USP6NL: variants seen among roughly 807,000 people sequenced by gnomAD.
USP6NL encodes the protein USP6 N-terminal-like protein.
USP6NL carries 26 observed loss-of-function variants against 61.9 expected under a neutral mutation model. That is an observed-to-expected ratio of 0.42 (90% CI 0.31 to 0.58). The LOEUF (loss-of-function observed/expected upper bound fraction) is 0.58, where lower values mean the gene tolerates loss of function less well. Among genes scored for constraint, USP6NL ranks in the 20% least tolerant of loss-of-function variants. The pLI is 0.16. For synonymous variants in USP6NL, 432 were observed against 390.1 expected, an observed-to-expected ratio of 1.11 and a Z score of -1.27; for missense variants, 1,114 against 1,034.3, an observed-to-expected ratio of 1.08 and a Z score of -1.06.
At position 11,462,692 on chromosome 10, in the gene USP6NL, C is replaced by G; in HGVS notation, c.2236G>C (p.Glu746Gln). Residue 746 changes from glutamate to glutamine, a missense_variant, in exon 15 of 15, where the codon GAG (glutamate) becomes CAG (glutamine). Glu to Gln is a conservative substitution (Grantham distance 29, BLOSUM62 2). Transcript: ENST00000609104. ...CGGGTCCATGATTGTCCCTGCGTCT[C>G]AGGTCTGTATGTATAACTAACTTCT... ...WSEVSYTYRPETQGQSWTRDA... is the reference protein window; with the variant it reads ...WSEVSYTYRPQTQGQSWTRDA... The G allele has an allele frequency of 6.2e-7, 1 of 1,613,992 alleles. No homozygotes were observed. Among genetic ancestry groups the G allele is most frequent in the Non-Finnish European group, 8.5e-7 (1 of 1,179,890 alleles).
At chr10:11,535,264 A>G (rs1397675341) in intron 2 of USP6NL, among the ~76,000 whole-genome samples, 1 of 152,222 alleles carries the variant, frequency 6.6e-6, no homozygotes, top group Non-Finnish European at 1.5e-5. Flanking sequence ...CACTGAGTGC[A>G]GTTTCTCCAG....
intron 1 of USP6NL, among the ~76,000 whole-genome samples, chr10:11,606,727 A>C (rs1210051717): frequency 2.0e-5 from 3 of 152,322 alleles, no homozygotes; most frequent in South Asian, 2.1e-4. Context: ...TTAAGAAATC[A>C]ATTCAAAATA....
At position 11,478,651 on chromosome 10, in the gene USP6NL, T is replaced by C. The variant is rs111479962; in HGVS notation, c.1078+3119A>G. Among the ~76,000 whole-genome samples the C allele has an allele frequency of 0.022, 3,353 of 152,284 alleles. 47 individuals are homozygous for C. The highest frequency in any genetic ancestry group is 0.066 in the South Asian group (317 of 4,822). On this transcript the variant is annotated intron_variant, in intron 14 of 14. Coordinates refer to ENST00000609104, the MANE Select transcript of USP6NL (RefSeq NM_014688.5). This position sits in a 1 kb window ranked among gnomAD's most constrained non-coding sequence, Gnocchi z 6.8. Reference sequence around the variant, plus strand: ...AACTGGAGGCCGGATACTCCTGTTATCCTAGCACTTTGGGAGGCTGAGGTG... The same window carrying C: ...AACTGGAGGCCGGATACTCCTGTTACCCTAGCACTTTGGGAGGCTGAGGTG...
rs1349978088 is a variant in USP6NL, at chr10:11,575,574, AATC to A, written c.4+22054_4+22056del. ...TCTAAATTCATGTCTCATAAATTTC[AATC>A]ATCATCTTCCTTATCTCACTGGTAT... is the stretch of plus-strand genomic sequence containing the variant. On this transcript the variant is annotated intron_variant, in intron 2 of 14. Coordinates refer to ENST00000609104, the MANE Select transcript of USP6NL (RefSeq NM_014688.5). This position sits in a 1 kb window ranked among gnomAD's most constrained non-coding sequence, Gnocchi z 4.2. Among the ~76,000 whole-genome samples the A allele has an allele frequency of 6.6e-6, 1 of 152,244 alleles. No homozygotes were observed. Among genetic ancestry groups the A allele is most frequent in the Non-Finnish European group, 1.5e-5 (1 of 68,026 alleles).
intron 2 of USP6NL, among the ~76,000 whole-genome samples, chr10:11,559,740 G>A (rs1299811644): frequency 6.6e-6 from 1 of 152,106 alleles, no homozygotes; most frequent in Admixed American, 6.5e-5. Context: ...GAGATAGATG[G>A]CTGCTTTCAA....
In USP6NL at chr10:11,548,944, T is replaced by G. The variant is rs985423740; in HGVS notation, c.5-21377A>C. On this transcript the variant is annotated intron_variant, in intron 2 of 14. Coordinates refer to ENST00000609104, the MANE Select transcript of USP6NL (RefSeq NM_014688.5). This position sits in a 1 kb window ranked among gnomAD's most constrained non-coding sequence, Gnocchi z 4.3. ...GACCATTATTTCCTTTTAAACCCAT[T>G]CATAAACCATGATTTAATAAAACTA... 4.6e-5 allele frequency among the ~76,000 whole-genome samples: 7 copies of G among 152,184 alleles called. No homozygotes were observed. Among genetic ancestry groups the G allele is most frequent in the Admixed American group, 1.3e-4 (2 of 15,270 alleles).
rs766816755 is a variant in USP6NL, at chr10:11,525,358, A to T, written c.155+28T>A. The T allele has an allele frequency of 6.4e-7, 1 of 1,556,154 alleles. No homozygotes were observed. The highest frequency in any genetic ancestry group is 2.1e-5 in the Admixed American group (1 of 48,050). On this transcript the variant is annotated intron_variant, in intron 4 of 14. Coordinates refer to ENST00000609104, the MANE Select transcript of USP6NL (RefSeq NM_014688.5). This position sits in a 1 kb window ranked among gnomAD's most constrained non-coding sequence, Gnocchi z 5.0. ...GACCACAGAAACGTTATAATCTAAA[A>T]AGCAAGCTTTCAATCTATGTGACTT...
rs543624265 is a variant in USP6NL, at chr10:11,602,193, C to T, written c.-83-4476G>A. Among the ~76,000 whole-genome samples, 3 of 152,086 alleles carry T rather than the reference C, an allele frequency of 2.0e-5. No homozygotes were observed. Among genetic ancestry groups the T allele is most frequent in the South Asian group, 4.2e-4 (2 of 4,816 alleles). ...TCAATGACAATGAATGAATAAACAA[C>T]GAGCAACGTATTTAACGCAACTTTC... On this transcript the variant is annotated intron_variant, in intron 1 of 14. Coordinates refer to ENST00000609104, the MANE Select transcript of USP6NL (RefSeq NM_014688.5). The surrounding 1 kb of genome is among the most constrained non-coding windows in gnomAD (Gnocchi z 4.8).
In USP6NL at chr10:11,556,539, A is replaced by C. The variant is rs73569190; in HGVS notation, c.5-28972T>G. Among the ~76,000 whole-genome samples the C allele has an allele frequency of 1.9e-3, 297 of 152,350 alleles. 5 individuals carry two copies. The highest frequency in any genetic ancestry group is 6.9e-3 in the African/African-American group (286 of 41,584). On this transcript the variant is annotated intron_variant, in intron 2 of 14. Coordinates refer to ENST00000609104, the MANE Select transcript of USP6NL (RefSeq NM_014688.5). ...TATTTAGAAAAGAGAGATCATAAAC[A>C]AACAAGCACTCAGCAAATACGAAAG... is the stretch of plus-strand genomic sequence containing the variant.
intron 7 of USP6NL, among the ~76,000 whole-genome samples, chr10:11,500,304 C>T (rs763392493): frequency 6.6e-6 from 1 of 151,826 alleles, no homozygotes. Flanking sequence ...CAAATCTGCA[C>T]GTCCTGCACA....
At chr10:11,524,820 C>G (rs1013323804) in intron 4 of USP6NL, among the ~76,000 whole-genome samples, 1 of 152,112 alleles carries the variant, frequency 6.6e-6, no homozygotes, top group African/African-American at 2.4e-5. Context: ...AGAACCAGAA[C>G]AGACAGATTC....
Position 11,510,797 on chromosome 10 carries a change from G to C in USP6NL, c.196-1122C>G, listed in dbSNP as rs1239295853. Among the ~76,000 whole-genome samples the C allele has an allele frequency of 6.6e-6, 1 of 152,232 alleles. No individual in the cohort carries two copies. The highest frequency in any genetic ancestry group is 1.5e-5 in the Non-Finnish European group (1 of 68,026). On this transcript the variant is annotated intron_variant, in intron 5 of 14. Transcript: ENST00000609104. This position sits in a 1 kb window ranked among gnomAD's most constrained non-coding sequence, Gnocchi z 4.8. ...TTACAATGAGGAAACAGGCACAAAG[G>C]GCTTAAGGGACTTGTCCCAAGTCAC...
chr10:11,562,033 C>A lies in USP6NL; in HGVS notation c.5-34466G>T, dbSNP rs1482254168. Among the ~76,000 whole-genome samples the A allele has an allele frequency of 6.6e-6, 1 of 152,192 alleles. No homozygotes were observed. The highest frequency in any genetic ancestry group is 1.5e-5 in the Non-Finnish European group (1 of 68,020). On this transcript the variant is annotated intron_variant, in intron 2 of 14. Coordinates refer to ENST00000609104, the MANE Select transcript of USP6NL (RefSeq NM_014688.5). This position sits in a 1 kb window ranked among gnomAD's most constrained non-coding sequence, Gnocchi z 4.8. ...AATTTGCTCATGCCTGTAATCCCAG[C>A]ACTTTGTGAGGCCAAGGCAGGCAGA...
rs1451147239 is a variant in USP6NL at position 11,589,174 on chromosome 10, A to C, written c.4+8457T>G. On this transcript the variant is annotated intron_variant, in intron 2 of 14. Transcript: ENST00000609104. The surrounding 1 kb of genome is among the most constrained non-coding windows in gnomAD (Gnocchi z 4.7). Reference sequence around the variant, plus strand: ...TAGCTTCTAGGTCACATCTGTCAGCAGAAACGTTTTTTATAATAAAGCATG... The same window carrying C: ...TAGCTTCTAGGTCACATCTGTCAGCCGAAACGTTTTTTATAATAAAGCATG... Among the ~76,000 whole-genome samples the C allele has an allele frequency of 6.6e-6, 1 of 152,222 alleles. No homozygotes were observed. The highest frequency in any genetic ancestry group is 1.5e-5 in the Non-Finnish European group (1 of 68,032).
Position 11,562,529 on chromosome 10 carries a change from T to C in USP6NL, c.5-34962A>G. 1.0e-6 allele frequency: 1 copy of C among 985,448 alleles called. No individual in the cohort carries two copies. The highest frequency in any genetic ancestry group is 1.1e-4 in the East Asian group (1 of 8,816). The allele number at this position is 985,448 out of a possible 1,614,324, so 61.0% of individuals were successfully genotyped here. A position where few individuals can be genotyped will look rare whatever the true frequency, so the allele number is the denominator to read the frequency against. ...AGAGCCGGGTCACTCAAGACATTGC[T>C]TGGCCACTGTGACTACTCTGAGTCT... On this transcript the variant is annotated intron_variant, in intron 2 of 14. Coordinates refer to ENST00000609104, the MANE Select transcript of USP6NL (RefSeq NM_014688.5). The surrounding 1 kb of genome is among the most constrained non-coding windows in gnomAD (Gnocchi z 4.8).
intron 2 of USP6NL, among the ~76,000 whole-genome samples, chr10:11,559,925 G>C (rs1836858685): frequency 6.6e-6 from 1 of 152,060 alleles, no homozygotes; most frequent in Admixed American, 6.5e-5. Flanking sequence ...AGTTAGGTTT[G>C]AGTCTATACA....
At chr10:11,584,450 A>G (rs77559417) in intron 2 of USP6NL, among the ~76,000 whole-genome samples, 1,813 of 152,300 alleles carry the variant, frequency 0.012, 37 homozygotes, top group African/African-American at 0.039. Flanking sequence ...ACCATAACAC[A>G]TTAATTACAA....
Position 11,597,655 on chromosome 10 carries a change from G to C in USP6NL, c.-21C>G. 6.4e-7 allele frequency: 1 copy of C among 1,551,132 alleles called. No homozygotes were observed. The highest frequency in any genetic ancestry group is 8.7e-7 in the Non-Finnish European group (1 of 1,146,498). On this transcript the variant is annotated 5_prime_UTR_variant, in exon 2 of 15. Coordinates refer to ENST00000609104, the MANE Select transcript of USP6NL (RefSeq NM_014688.5). The surrounding 1 kb of genome is among the most constrained non-coding windows in gnomAD (Gnocchi z 4.6). ...CTCATGACTGGAAATGGGTCTGAAT[G>C]TTGTCCCAATCAGATATTAAACCAA...
rs116649656 is a variant in USP6NL at position 11,543,719 on chromosome 10, A to G, written c.5-16152T>C. On this transcript the variant is annotated intron_variant, in intron 2 of 14. Coordinates refer to ENST00000609104, the MANE Select transcript of USP6NL (RefSeq NM_014688.5). ...AAAAGAAACAATACTCTTAAACACA[A>G]CTGATCCATGAGAAAAAGGGAAAGG... 4.7e-3 allele frequency among the ~76,000 whole-genome samples: 703 copies of G among 150,876 alleles called. 2 individuals carry two copies. The highest frequency in any genetic ancestry group is 0.016 in the African/African-American group (677 of 41,196).
Sources: allele counts gnomAD v4.1 joint callset (sites outside exome capture counted in the v4.1 genomes callset), GRCh38; gene constraint gnomAD v4.1.1; non-coding constraint Gnocchi (gnomAD v3.1); transcripts MANE v1.5; gene names NCBI Gene and HGNC (gene_info 2026-07-23, HGNC 2026-07-21).